Variants in ENTPD1 observed in about 807,000 individuals in gnomAD.
ENTPD1 encodes ectonucleoside triphosphate diphosphohydrolase 1, also known as ATP diphosphohydrolase.
In ENTPD1, 33 loss-of-function variants were observed where a neutral mutation model predicts 57.0. The ratio of observed to expected loss-of-function variants is 0.58; its 90% confidence interval spans 0.44 to 0.77. The LOEUF (loss-of-function observed/expected upper bound fraction) is 0.77, where lower values mean the gene tolerates loss of function less well. Among genes scored for constraint, ENTPD1 ranks in the 30% least tolerant of loss-of-function variants. The probability of loss-of-function intolerance (pLI) is 0.00; values close to 1 mark genes in which losing one functional copy is unlikely to be tolerated. For missense variants in ENTPD1, 501 were observed against 603.4 expected, an observed-to-expected ratio of 0.83 and a Z score of 1.78; for synonymous variants, 202 against 218.8, an observed-to-expected ratio of 0.92 and a Z score of 0.68.
chr10:95,720,344 C>T (rs988889437), intron 1 of ENTPD1, among the ~76,000 whole-genome samples: 9 of 152,066 alleles, frequency 5.9e-5, no homozygotes, highest in African/African-American at 1.2e-4. Context: ...GTATAATGGC[C>T]GCTGCTTTTG....
chr10:95,824,126 A>G (rs1438854097), intron 2 of ENTPD1, among the ~76,000 whole-genome samples: 1 of 152,254 alleles, frequency 6.6e-6, no homozygotes, highest in African/African-American at 2.4e-5. Flanking sequence ...ATTAAAAAGC[A>G]TGTGGTAAAT....
intron 7 of ENTPD1, among the ~76,000 whole-genome samples, chr10:95,859,470 C>G (rs2098461548): frequency 6.6e-6 from 1 of 152,212 alleles, no homozygotes; most frequent in Non-Finnish European, 1.5e-5. Flanking sequence ...TTATGCCCCC[C>G]TCAAATAATC....
chr10:95,854,956 C>G (rs531092696), intron 7 of ENTPD1, among the ~76,000 whole-genome samples: 2 of 152,268 alleles, frequency 1.3e-5, no homozygotes, highest in African/African-American at 4.8e-5. Flanking sequence ...ATTAGGTCCA[C>G]TTGGTGCAGA....
chr10:95,826,155 T>C (rs556855905), intron 2 of ENTPD1, among the ~76,000 whole-genome samples: 1 of 152,304 alleles, frequency 6.6e-6, no homozygotes, highest in East Asian at 1.9e-4. Context: ...TTATTAATTG[T>C]AATTATGATA....
intron 1 of ENTPD1, among the ~76,000 whole-genome samples, chr10:95,805,169 G>A (rs936511580): frequency 4.6e-5 from 7 of 152,176 alleles, no homozygotes; most frequent in African/African-American, 1.7e-4. Flanking sequence ...GAATCTGGGT[G>A]CTCCTGTATT....
chr10:95,873,089 G>T lies in ENTPD1; in HGVS notation c.*6706G>T, dbSNP rs1262006760. 1 of 927,844 alleles carries T rather than the reference G, an allele frequency of 1.1e-6. No individual in the cohort carries two copies. Among genetic ancestry groups the T allele is most frequent in the East Asian group, 1.2e-4 (1 of 8,564 alleles). The allele number at this position is 927,844 out of a possible 1,614,324, so 57.5% of individuals were successfully genotyped here. On this transcript the variant is annotated 3_prime_UTR_variant, in exon 10 of 10. Coordinates refer to ENST00000371205, the MANE Select transcript of ENTPD1 (RefSeq NM_001776.6). ...TTAATTAATATAAATAATTCAGTAG[G>T]TCTGGGGTGAGGCCTGAGGTTTTAC...
At chr10:95,713,200 C>T (rs2097967827) in intron 1 of ENTPD1, among the ~76,000 whole-genome samples, 1 of 152,150 alleles carries the variant, frequency 6.6e-6, no homozygotes, top group Admixed American at 6.5e-5. Context: ...AAAATTATCT[C>T]CTGGACTTTT....
intron 1 of ENTPD1, among the ~76,000 whole-genome samples, chr10:95,762,940 T>G (rs2140015293): frequency 6.6e-6 from 1 of 152,322 alleles, no homozygotes; most frequent in South Asian, 2.1e-4. Context: ...CACGATATAC[T>G]TCTTTTGTAT....
rs2098478981 is a variant in ENTPD1, at chr10:95,870,272, T to C, written c.*3889T>C. The stretch of plus-strand genomic sequence containing the variant: ...TACATTCCATACTCAAAATGTAAAT[T>C]TGAATATTAAAATAAAGATGATTTT... On this transcript the variant is annotated 3_prime_UTR_variant, in exon 10 of 10. Coordinates refer to ENST00000371205, the MANE Select transcript of ENTPD1 (RefSeq NM_001776.6). 1.3e-5 allele frequency: 13 copies of C among 984,828 alleles called. No homozygotes were observed. Among genetic ancestry groups the C allele is most frequent in the Middle Eastern group, 5.2e-4 (1 of 1,932 alleles). The allele number at this position is 984,828 out of a possible 1,614,324, so 61.0% of individuals were successfully genotyped here.
In ENTPD1 at chr10:95,860,599, A is replaced by C. The variant is rs528376966; in HGVS notation, c.1188+17A>C. On this transcript the variant is annotated intron_variant, in intron 8 of 9. Transcript: ENST00000371205. ...TGGGAGGAGGTAAGTGACTAGGCAC[A>C]GCAGCTCTAACAGCATGAGTGCCCT... The C allele has an allele frequency of 6.2e-7, 1 of 1,602,582 alleles. No homozygotes were observed. The highest frequency in any genetic ancestry group is 2.2e-5 in the East Asian group (1 of 44,764).
rs916736000 is a variant in ENTPD1, at chr10:95,868,029, G to A, written c.*1646G>A. The A allele has an allele frequency of 2.0e-4, 199 of 985,318 alleles. No individual in the cohort carries two copies. Among genetic ancestry groups the A allele is most frequent in the Non-Finnish European group, 2.3e-4 (188 of 829,950 alleles). 61.0% of individuals were successfully genotyped at this position (985,318 alleles called of 1,614,324 possible). On this transcript the variant is annotated 3_prime_UTR_variant, in exon 10 of 10. Transcript: ENST00000371205. ...TGTGGTAGTTGCCTATACTGTCATC[G>A]CTGCTGTTGGTTGAGCATTTGTGGT...
chr10:95,825,209 A>C (rs1387627515), intron 2 of ENTPD1, among the ~76,000 whole-genome samples: 2 of 152,212 alleles, frequency 1.3e-5, no homozygotes, highest in Non-Finnish European at 2.9e-5. Context: ...TGGCTACTGT[A>C]TTGGACAACA....
Position 95,839,775 on chromosome 10 carries a change from G to C in ENTPD1, c.229G>C (p.Val77Leu). The change falls in exon 3 of 10, where the codon GTG (valine) becomes CTG (leucine). Residue 77 changes from valine to leucine, a missense_variant. Physicochemically the swap from Val to Leu is conservative, Grantham distance 32 (BLOSUM62 1). Coordinates refer to ENST00000371205, the MANE Select transcript of ENTPD1 (RefSeq NM_001776.6). ...WPAEKENDTG[V>L]VHQVEECRVK... The stretch of plus-strand genomic sequence containing the variant: ...AGCAGAAAAGGAGAATGACACAGGC[G>C]TGGTGCATCAAGTAGAAGAATGCAG... The C allele has an allele frequency of 1.9e-6, 3 of 1,614,050 alleles. No individual in the cohort carries two copies. Among genetic ancestry groups the C allele is most frequent in the South Asian group, 1.1e-5 (1 of 91,082 alleles).
chr10:95,815,237 C>T (rs560274630), intron 1 of ENTPD1, among the ~76,000 whole-genome samples: 57 of 152,288 alleles, frequency 3.7e-4, no homozygotes, highest in Non-Finnish European at 6.3e-4. Flanking sequence ...AAAATTTCTA[C>T]GCATCTCTAA....
In ENTPD1 at chr10:95,830,304, G is replaced by T. The variant is rs191154274; in HGVS notation, c.144+6940G>T. ...GTATGGTTAGATTGTTGAATATGGG[G>T]GCAGGAAGGAGAGGTGGAAGAGGAG... On this transcript the variant is annotated intron_variant, in intron 2 of 9. Transcript: ENST00000371205. Among the ~76,000 whole-genome samples, 3 of 152,150 alleles carry T rather than the reference G, an allele frequency of 2.0e-5. No homozygotes were observed. The East Asian group carries it at 5.8e-4, about 29-fold the overall frequency.
chr10:95,799,857 G>C (rs2098241623), intron 1 of ENTPD1, among the ~76,000 whole-genome samples: 1 of 152,018 alleles, frequency 6.6e-6, no homozygotes, highest in African/African-American at 2.4e-5. Context: ...GTATCTTATT[G>C]TGGTTTTGCA....
At chr10:95,701,437 A>G in the ENTPD1 span, among the ~76,000 whole-genome samples, 3 of 152,262 alleles carry the variant, frequency 2.0e-5, no homozygotes, top group Non-Finnish European at 4.4e-5. Flanking sequence ...TTTAAAATAT[A>G]AAAGCAAATA....
chr10:95,803,140 C>T (rs531273831), intron 1 of ENTPD1, among the ~76,000 whole-genome samples: 1 of 152,298 alleles, frequency 6.6e-6, no homozygotes, highest in South Asian at 2.1e-4. Flanking sequence ...CTATAAATTG[C>T]TTTGGGCGGT....
chr10:95,709,358 CTTA>C (rs2097963769), upstream of ENTPD1, among the ~76,000 whole-genome samples: 1 of 138,292 alleles, frequency 7.2e-6, no homozygotes, highest in African/African-American at 2.5e-5. Flanking sequence ...TCCTCTTTTC[CTTA>C]TTTTTTTTTT....
Sources: gnomAD v4.1 joint callset for allele counts (sites outside exome capture counted in the v4.1 genomes callset) on GRCh38, gnomAD v4.1.1 for gene constraint, MANE v1.5 for transcripts, NCBI Gene and HGNC (gene_info 2026-07-23, HGNC 2026-07-21) for gene names.